Variants in ARHGEF11 observed in about 807,000 individuals in gnomAD.
ARHGEF11 encodes the protein Rho guanine exchange factor (GEF) 11.
ARHGEF11 carries 55 observed loss-of-function variants against 193.7 expected under a neutral mutation model. The ratio of observed to expected loss-of-function variants is 0.28; its 90% CI spans 0.23 to 0.36. ARHGEF11 has a LOEUF of 0.36. ARHGEF11 is among the 10% of genes least tolerant of loss of function. The pLI, the probability that ARHGEF11 is intolerant of heterozygous loss-of-function variation, is 1.00. For synonymous variants in ARHGEF11, 693 were observed against 768.0 expected (o/e 0.90, Z 1.62); for missense variants, 1,723 against 2,005.6 (o/e 0.86, Z 2.69).
chr1:156,999,469 C>T (rs1212344333), intron 1 of ARHGEF11, among the ~76,000 whole-genome samples: 2 of 151,902 alleles, frequency 1.3e-5, no homozygotes, highest in South Asian at 2.1e-4. Flanking sequence ...TCTTCTTCAG[C>T]GTATCAGGTC....
intron 1 of ARHGEF11, among the ~76,000 whole-genome samples, chr1:156,986,975 C>T (rs1224843617): frequency 6.6e-6 from 1 of 152,204 alleles, no homozygotes; most frequent in Non-Finnish European, 1.5e-5. Flanking sequence ...AGGCACCTCG[C>T]CTAATTAGAA....
In ARHGEF11 at chr1:156,946,650, C is replaced by T. The variant is rs185441501; in HGVS notation, c.2694+12G>A. On this transcript the variant is annotated intron_variant, in intron 28 of 40. Transcript: ENST00000368194. The stretch of plus-strand genomic sequence containing the variant: ...GAGATGAAGGAAGGCCAAGGCATGG[C>T]CAAGGACGCACCTGCATGAAGAGCT... 9 of 1,614,068 alleles carry T rather than the reference C, an allele frequency of 5.6e-6. No individual in the cohort carries two copies. The Admixed American group carries it at 8.3e-5, about 15-fold the overall frequency.
At chr1:156,955,118 A>G (rs1427522895) in intron 20 of ARHGEF11, among the ~76,000 whole-genome samples, 197 bp from the exon 21 acceptor site, 1 of 152,192 alleles carries the variant, frequency 6.6e-6, no homozygotes, top group Non-Finnish European at 1.5e-5. Context: ...ACTGCCCTTC[A>G]CAGATTCCCA....
chr1:156,938,924 C>T (rs1248586005), intron 37 of ARHGEF11: 1 of 202,374 alleles, frequency 4.9e-6, no homozygotes, highest in Non-Finnish European at 9.8e-6. Context: ...GACCTTCCTC[C>T]CTGGGCTCAT....
At chr1:156,989,838 CTAACATTTG>C (rs372866614) in intron 1 of ARHGEF11, among the ~76,000 whole-genome samples, 14 of 152,312 alleles carry the variant, frequency 9.2e-5, no homozygotes, top group African/African-American at 3.4e-4. Flanking sequence ...GATTCAGCAA[CTAACATTTG>C]TAACATTTGC....
chr1:156,969,821 G>A (rs1662265738), intron 9 of ARHGEF11, among the ~76,000 whole-genome samples, 177 bp downstream of exon 9: 2 of 152,168 alleles, frequency 1.3e-5, no homozygotes. Flanking sequence ...CTATTCTACT[G>A]CCTAAGTTGT....
chr1:156,981,212 ATT>A (rs199804942), intron 3 of ARHGEF11, among the ~76,000 whole-genome samples: 8 of 146,234 alleles, frequency 5.5e-5, no homozygotes, highest in East Asian at 2.0e-4. Flanking sequence ...AAAAAAAAAA[ATT>A]TTTTTTTTTG....
In ARHGEF11 at chr1:156,978,286, C is replaced by T. The variant is rs377075621; in HGVS notation, c.428G>A (p.Arg143Gln). The change falls in exon 6 of 41, where the codon CGA (arginine) becomes CAA (glutamine). Residue 143 changes from arginine to glutamine, a missense_variant. Physicochemically the swap from Arg to Gln is conservative, Grantham distance 43. Around this residue, in one of 5 missense-constraint regions of ARHGEF11, gnomAD observed 646 missense variants for 710.7 expected, o/e 0.91. Coordinates refer to ENST00000368194, the MANE Select transcript of ARHGEF11 (RefSeq NM_198236.3). ...TGGTGAGGGGATCACTGACGTGATTCGGGGAGCTCCTGCTGGGGATGGGTC... is the reference window on the plus strand; with the variant it reads ...TGGTGAGGGGATCACTGACGTGATTTGGGGAGCTCCTGCTGGGGATGGGTC... Reference protein sequence around the residue: ...QQDPSPAGAPRITSVIPSPPP... With the variant: ...QQDPSPAGAPQITSVIPSPPP... 62 of 1,613,888 alleles carry T rather than the reference C, an allele frequency of 3.8e-5. No individual in the cohort carries two copies. Among genetic ancestry groups the T allele is most frequent in the Non-Finnish European group, 4.7e-5 (56 of 1,180,000 alleles).
rs185462215 is a variant in ARHGEF11, at chr1:156,938,628, G to T, written c.4097-115C>A. On this transcript the variant is annotated intron_variant, in intron 37 of 40. Transcript: ENST00000368194. ...GGTGGGGACAGGGGGAGGAGAAAAT[G>T]GGAAGAACAAGGTGAACACAAGATC... 1.9e-4 allele frequency: 171 copies of T among 910,386 alleles called. No individual in the cohort carries two copies. The East Asian group carries it at 3.2e-3, about 17-fold the overall frequency. 56.4% of individuals were successfully genotyped at this position (910,386 alleles called of 1,614,324 possible).
intron 8 of ARHGEF11, among the ~76,000 whole-genome samples, chr1:156,970,387 T>C (rs1662335270): frequency 6.6e-6 from 1 of 152,168 alleles, no homozygotes; most frequent in African/African-American, 2.4e-5. Flanking sequence ...CGAGGGAAGA[T>C]ATAAAAGGTT....
chr1:156,963,339 G>A lies in ARHGEF11; in HGVS notation c.1039-35C>T, dbSNP rs376850450. The A allele has an allele frequency of 2.4e-5, 38 of 1,583,732 alleles. No homozygotes were observed. In the Middle Eastern group the frequency reaches 5.1e-4, roughly 21 times the overall value. On this transcript the variant is annotated intron_variant, in intron 12 of 40. Coordinates refer to ENST00000368194, the MANE Select transcript of ARHGEF11 (RefSeq NM_198236.3). ...AGAAGGATGAGCATGGTGGGAAGCC[G>A]GGCACAGCAGCACAGCGGGTTCCAG...
chr1:156,953,324 A>C (rs1263649492), intron 21 of ARHGEF11, among the ~76,000 whole-genome samples: 3 of 152,196 alleles, frequency 2.0e-5, no homozygotes, highest in Non-Finnish European at 4.4e-5. Flanking sequence ...CTGTGGCCCC[A>C]GCTACTTGGA....
rs910764584 is a variant in ARHGEF11 at position 156,940,227 on chromosome 1, G to A, written c.3713C>T (p.Ala1238Val). Residue 1238 changes from alanine to valine, a missense_variant, in exon 36 of 41, where the codon GCT (alanine) becomes GTT (valine). Coordinates refer to ENST00000368194, the MANE Select transcript of ARHGEF11 (RefSeq NM_198236.3). ...FPGPLFMEGLADSALEDVENL... is the reference protein window; with the variant it reads ...FPGPLFMEGLVDSALEDVENL... ...CTCACCATCTTCCAGAGCGGAGTCAGCGAGCCCTTCCATGAACAGAGGGCC... is the reference window on the plus strand; with the variant it reads ...CTCACCATCTTCCAGAGCGGAGTCAACGAGCCCTTCCATGAACAGAGGGCC... 2 of 1,593,510 alleles carry A rather than the reference G, an allele frequency of 1.3e-6. No homozygotes were observed. The highest frequency in any genetic ancestry group is 2.7e-5 in the African/African-American group (2 of 74,590).
intron 11 of ARHGEF11, among the ~76,000 whole-genome samples, chr1:156,965,625 G>A (rs111403950): frequency 7.2e-5 from 11 of 152,264 alleles, no homozygotes; most frequent in African/African-American, 2.6e-4. Flanking sequence ...TTTATACAAT[G>A]GGTAACACTA....
chr1:156,980,662 G>C (rs1260508294), intron 3 of ARHGEF11, among the ~76,000 whole-genome samples, 176 bp from the exon 4 acceptor site: 1 of 152,166 alleles, frequency 6.6e-6, no homozygotes, highest in East Asian at 1.9e-4. Context: ...TTTTAAGCTA[G>C]AGTGAACTAT....
chr1:156,978,491 C>T (rs1663594714), intron 5 of ARHGEF11, 109 bp from the exon 6 acceptor site: 1 of 1,421,416 alleles, frequency 7.0e-7, no homozygotes, highest in Non-Finnish European at 9.2e-7. Flanking sequence ...ACTCATTATT[C>T]TGTAGATTAA....
intron 26 of ARHGEF11, 62 bp downstream of exon 26, chr1:156,947,242 A>G: frequency 6.4e-7 from 1 of 1,556,834 alleles, no homozygotes; most frequent in Admixed American, 1.9e-5. Flanking sequence ...CAGTGGGGCC[A>G]AAGTGGAACA....
At position 156,991,883 on chromosome 1, in the gene ARHGEF11, A is replaced by C. The variant is rs1665786917; in HGVS notation, c.33-5710T>G. 4.7e-5 allele frequency among the ~76,000 whole-genome samples: 7 copies of C among 148,512 alleles called. No individual in the cohort carries two copies. In the South Asian group the frequency reaches 1.5e-3, roughly 32 times the overall value. ...AGGCGCCCGCCACTACGCCCGGCTA[A>C]TTTTTTGTATTTTTAGTAGAGACGG... On this transcript the variant is annotated intron_variant, in intron 1 of 40. Coordinates refer to ENST00000368194, the MANE Select transcript of ARHGEF11 (RefSeq NM_198236.3).
chr1:157,009,768 C>T (rs1433161287), intron 1 of ARHGEF11, among the ~76,000 whole-genome samples: 4 of 152,188 alleles, frequency 2.6e-5, no homozygotes, highest in African/African-American at 4.8e-5. Context: ...TGGCTGGAAA[C>T]GCTGAAAGAC....
Sources: gnomAD v4.1 joint callset for allele counts (sites outside exome capture counted in the v4.1 genomes callset) on GRCh38, gnomAD v4.1.1 for gene constraint, gnomAD v4.1.1 regional missense constraint, MANE v1.5 for transcripts, NCBI Gene and HGNC (gene_info 2026-07-23, HGNC 2026-07-21) for gene names.